Variants in CCT8 observed in about 807,000 individuals in gnomAD.
CCT8 encodes chaperonin containing TCP1 subunit 8.
A neutral mutation model predicts 65.7 loss-of-function variants in CCT8; 10 were observed. The observed-to-expected ratio is 0.15, with a 90% CI of 0.09 to 0.26. The LOEUF (loss-of-function observed/expected upper bound fraction) is 0.26. CCT8 is among the 10% of genes least tolerant of loss of function. The pLI, the probability that CCT8 is intolerant of heterozygous loss-of-function variation, is 1.00. For synonymous variants in CCT8, 199 were observed against 221.8 expected (o/e 0.90, Z 0.92); for missense variants, 568 against 669.1 (o/e 0.85, Z 1.67).
Position 29,073,592 on chromosome 21 carries a change from G to T in CCT8, c.-2C>A. 1 of 1,614,004 alleles carries T rather than the reference G, an allele frequency of 6.2e-7. No homozygotes were observed. Among genetic ancestry groups the T allele is most frequent in the Non-Finnish European group, 8.5e-7 (1 of 1,179,980 alleles). ...AGCCTTGGGAACGTGAAGCGCCATG[G>T]CCAGCCTGCAGGAAGCAGTTCACGC... On this transcript the variant is annotated 5_prime_UTR_variant, in exon 1 of 15. Coordinates refer to ENST00000286788, the MANE Select transcript of CCT8 (RefSeq NM_006585.4).
chr21:29,064,409 T>TAAAAAAAAAAAAAAAAAAAAA (rs34760776), intron 7 of CCT8, among the ~76,000 whole-genome samples: 64 of 26,718 alleles, frequency 2.4e-3, no homozygotes, highest in African/African-American at 3.9e-3. Context: ...AGCAAGACTC[T>TAAAAAAAAAAAAAAAAAAAAA]AAAAAAAAAA....
rs1173593073 is a variant in CCT8 at position 29,073,645 on chromosome 21, G to A, written c.-55C>T. On this transcript the variant is annotated 5_prime_UTR_variant, in exon 1 of 15. Transcript: ENST00000286788. The stretch of plus-strand genomic sequence containing the variant: ...CCGCTCGGAAGACCGCGGAGGAAGC[G>A]AGGAGCACGCACAGCCTTCTGGGAA... The A allele has an allele frequency of 4.6e-6, 7 of 1,531,358 alleles. No homozygotes were observed. Among genetic ancestry groups the A allele is most frequent in the East Asian group, 4.5e-5 (2 of 44,512 alleles). 94.9% of individuals were successfully genotyped at this position (1,531,358 alleles called of 1,614,324 possible). A position where few individuals can be genotyped will look rare whatever the true frequency, so the allele number is the denominator to read the frequency against.
intron 1 of CCT8, among the ~76,000 whole-genome samples, chr21:29,071,576 T>TG (rs2085680727): frequency 6.6e-6 from 1 of 152,006 alleles, no homozygotes; most frequent in Non-Finnish European, 1.5e-5. Context: ...TTGTATTTTT[T>TG]TGAGAGGCGG....
chr21:29,070,249 T>C lies in CCT8; in HGVS notation c.149A>G (p.Asn50Ser). The C allele has an allele frequency of 1.3e-6, 2 of 1,578,254 alleles. No individual in the cohort carries two copies. Among genetic ancestry groups the C allele is most frequent in the Non-Finnish European group, 1.7e-6 (2 of 1,150,654 alleles). ...AQTTRTAYGP[N>S]GMNKMVINHL... The stretch of plus-strand genomic sequence containing the variant: ...ACAAATATTAATTTAGAAATTACCA[T>C]TTGGTCCATATGCTGTACGAGTGGT... The change falls in exon 2 of 15, where the codon AAT becomes AGT. Residue 50 changes from asparagine to serine, a missense_variant and splice_region_variant. Coordinates refer to ENST00000286788, the MANE Select transcript of CCT8 (RefSeq NM_006585.4).
chr21:29,063,771 A>T (rs1371323663), intron 7 of CCT8, among the ~76,000 whole-genome samples: 1 of 152,140 alleles, frequency 6.6e-6, no homozygotes, highest in Non-Finnish European at 1.5e-5. Flanking sequence ...AAGTACTTTT[A>T]TCTATTTATT....
In CCT8 at chr21:29,063,467, T is replaced by C. The variant is rs1267579085; in HGVS notation, c.826A>G (p.Met276Val). The C allele has an allele frequency of 6.2e-7, 1 of 1,612,590 alleles. No homozygotes were observed. The highest frequency in any genetic ancestry group is 1.3e-5 in the African/African-American group (1 of 74,922). The change falls in exon 8 of 15, where the codon ATG (methionine) becomes GTG (valine). Residue 276 changes from methionine to valine, a missense_variant. Transcript: ENST00000286788. ...MNFSKGEENLMDAQVKAIADT... is the reference protein window; with the variant it reads ...MNFSKGEENLVDAQVKAIADT... ...GCAATAGCTTTGACTTGTGCATCCA[T>C]GAGGTTTTCTTCTCCCTTACTAAAA...
intron 14 of CCT8, 60 bp downstream of exon 14, chr21:29,060,481 T>C (rs2085550698): frequency 5.2e-6 from 8 of 1,536,536 alleles, no homozygotes; most frequent in African/African-American, 2.7e-5. Flanking sequence ...TCTGGGAAAA[T>C]ATACTATTAA....
At chr21:29,073,416 C>G (rs949612351) in intron 1 of CCT8, 115 bp downstream of exon 1, 12 of 1,553,956 alleles carry the variant, frequency 7.7e-6, no homozygotes, top group East Asian at 2.3e-5. Context: ...TTCTCTTCCC[C>G]CGGCCGCTGA....
intron 3 of CCT8, among the ~76,000 whole-genome samples, chr21:29,068,097 A>G (rs62222378): frequency 0.03 from 4,495 of 152,286 alleles, 100 homozygotes; most frequent in Middle Eastern, 0.1. Flanking sequence ...ATGACTCTCA[A>G]TATCTATTTT....
intron 3 of CCT8, among the ~76,000 whole-genome samples, chr21:29,068,242 C>T (rs965821862): frequency 1.4e-4 from 22 of 151,982 alleles, no homozygotes; most frequent in African/African-American, 5.3e-4. Context: ...TTTACAGAAA[C>T]AAGCCAAGGA....
At position 29,073,635 on chromosome 21, in the gene CCT8, C is replaced by A; in HGVS notation, c.-45G>T. 6.3e-7 allele frequency: 1 copy of A among 1,589,478 alleles called. No homozygotes were observed. The highest frequency in any genetic ancestry group is 8.6e-7 in the Non-Finnish European group (1 of 1,158,784). On this transcript the variant is annotated 5_prime_UTR_variant, in exon 1 of 15. Coordinates refer to ENST00000286788, the MANE Select transcript of CCT8 (RefSeq NM_006585.4). The stretch of plus-strand genomic sequence containing the variant: ...GTTCACGCGACCGCTCGGAAGACCG[C>A]GGAGGAAGCGAGGAGCACGCACAGC...
chr21:29,056,401 A>G lies in CCT8; in HGVS notation c.*74T>C, dbSNP rs1298073451. 2 of 723,596 alleles carry G rather than the reference A, an allele frequency of 2.8e-6. No homozygotes were observed. The highest frequency in any genetic ancestry group is 1.8e-5 in the African/African-American group (1 of 55,282). 44.8% of individuals were successfully genotyped at this position (723,596 alleles called of 1,614,324 possible). On this transcript the variant is annotated 3_prime_UTR_variant, in exon 15 of 15. Coordinates refer to ENST00000286788, the MANE Select transcript of CCT8 (RefSeq NM_006585.4). ...CAAAATAACTCTTAATTTAAGGAGA[A>G]TAAGAAAACATCAGGTGATTCTTGA...
At chr21:29,057,851 T>C (rs913476800) in intron 14 of CCT8, among the ~76,000 whole-genome samples, 2 of 151,306 alleles carry the variant, frequency 1.3e-5, no homozygotes, top group African/African-American at 2.4e-5. Context: ...ATATCAGATA[T>C]ATATGATATA....
rs778343795 is a variant in CCT8 at position 29,065,117 on chromosome 21, A to G, written c.625-12T>C. On this transcript the variant is annotated splice_polypyrimidine_tract_variant and intron_variant, in intron 6 of 14. Coordinates refer to ENST00000286788, the MANE Select transcript of CCT8 (RefSeq NM_006585.4). ...CTGATACCAGAGCCCTAAGGAATTG[A>G]ATACCAAACTCATCAGCAATCTCCT... The G allele has an allele frequency of 1.2e-6, 2 of 1,612,400 alleles. No homozygotes were observed. Among genetic ancestry groups the G allele is most frequent in the African/African-American group, 2.7e-5 (2 of 74,848 alleles).
intron 6 of CCT8, among the ~76,000 whole-genome samples, 190 bp downstream of exon 6, chr21:29,066,526 C>T (rs1048023736): frequency 1.3e-5 from 2 of 151,998 alleles, no homozygotes; most frequent in Admixed American, 6.6e-5. Context: ...GCAACAAGAG[C>T]GAGACTCCGT....
At chr21:29,064,883 G>C (rs1036008303) in intron 7 of CCT8, 85 bp downstream of exon 7, 3 of 1,170,838 alleles carry the variant, frequency 2.6e-6, no homozygotes, top group African/African-American at 1.5e-5. Flanking sequence ...AGTTTTTTAA[G>C]AAGTACTTAC....
At position 29,066,430 on chromosome 21, in the gene CCT8, C is replaced by T. The variant is rs192190993; in HGVS notation, c.624+286G>A. ...TGGCGCATGCCTGTAATCCCAGCTA[C>T]TCGGGAGGCTGGGACTGGAGAATCA... On this transcript the variant is annotated intron_variant, in intron 6 of 14. Coordinates refer to ENST00000286788, the MANE Select transcript of CCT8 (RefSeq NM_006585.4). 4.7e-3 allele frequency among the ~76,000 whole-genome samples: 720 copies of T among 152,194 alleles called. 2 individuals are homozygous for T. The highest frequency in any genetic ancestry group is 0.01 in the Middle Eastern group (3 of 294).
rs774138325 is a variant in CCT8 at position 29,062,217 on chromosome 21, T to C, written c.1123A>G (p.Ile375Val). 3.8e-5 allele frequency: 61 copies of C among 1,613,752 alleles called. No individual in the cohort carries two copies. In the Middle Eastern group the frequency reaches 5.0e-4, roughly 13 times the overall value. The part of the protein sequence containing the change: ...HEKEDGAIST[I>V]VLRGSTDNLM... ...TTGTCTGTAGAGCCTCGAAGTACTATGGTAGAAATGGCGCCATCTTCCTTT... is the reference window on the plus strand; with the variant it reads ...TTGTCTGTAGAGCCTCGAAGTACTACGGTAGAAATGGCGCCATCTTCCTTT... The change falls in exon 11 of 15, where the codon ATA becomes GTA. Residue 375 changes from isoleucine to valine, a missense_variant. Coordinates refer to ENST00000286788, the MANE Select transcript of CCT8 (RefSeq NM_006585.4).
At chr21:29,073,036 T>C (rs2085700331) in intron 1 of CCT8, among the ~76,000 whole-genome samples, 1 of 152,252 alleles carries the variant, frequency 6.6e-6, no homozygotes, top group African/African-American at 2.4e-5. Context: ...GAAAGCCGTA[T>C]GTTTCTCACT....
Sources: gnomAD v4.1 joint callset for allele counts (sites outside exome capture counted in the v4.1 genomes callset) on GRCh38, gnomAD v4.1.1 for gene constraint, MANE v1.5 for transcripts, NCBI Gene and HGNC (gene_info 2026-07-23, HGNC 2026-07-21) for gene names.